Variants in MTREX observed in about 807,000 individuals in gnomAD.
MTREX encodes the protein exosome RNA helicase MTR4.
Under a neutral mutation model 135.4 loss-of-function variants are expected in MTREX, and 76 were observed. That is an observed-to-expected ratio of 0.56 (90% CI 0.47 to 0.68). The LOEUF (loss-of-function observed/expected upper bound fraction) is 0.68, where lower values mean the gene tolerates loss of function less well. MTREX is among the 30% of genes least tolerant of loss of function. The probability of loss-of-function intolerance (pLI) is 0.00; values close to 1 mark genes in which losing one functional copy is unlikely to be tolerated. For synonymous variants in MTREX, 404 were observed against 401.6 expected (o/e 1.01, Z -0.07); for missense variants, 920 against 1,262.1 (o/e 0.73, Z 4.11).
At chr5:55,387,868 A>G in intron 18 of MTREX, 106 bp from the exon 19 acceptor site, 6 of 1,064,122 alleles carry the variant, frequency 5.6e-6, no homozygotes, top group Non-Finnish European at 7.8e-6. Context: ...AGTTTGTGTC[A>G]GTCATAATGC....
rs143212003 is a variant in MTREX, at chr5:55,425,035, C to T, written c.*263C>T. On this transcript the variant is annotated 3_prime_UTR_variant, in exon 27 of 27. Coordinates refer to ENST00000230640, the MANE Select transcript of MTREX (RefSeq NM_015360.5). ...TAATGAGTTTAGAGCTATTAGATAA[C>T]CACTGAGTTAAAGGTAACTATGTAC... 296 of 904,748 alleles carry T rather than the reference C, an allele frequency of 3.3e-4. 1 individual carries two copies. The East Asian group carries it at 7.3e-3, about 22-fold the overall frequency. 56.0% of individuals were successfully genotyped at this position (904,748 alleles called of 1,614,324 possible).
At chr5:55,366,374 C>T (rs541230861) in intron 15 of MTREX, among the ~76,000 whole-genome samples, 24 of 152,212 alleles carry the variant, frequency 1.6e-4, no homozygotes, top group Admixed American at 8.5e-4. Flanking sequence ...CTTGTAATCA[C>T]GGCTGCTCAG....
chr5:55,322,580 A>T, intron 2 of MTREX, 116 bp downstream of exon 2: 3 of 708,926 alleles, frequency 4.2e-6, no homozygotes, highest in Non-Finnish European at 6.6e-6. Flanking sequence ...AGAAATGAAG[A>T]TATTCTTTCT....
chr5:55,386,469 T>A (rs1007598572), intron 18 of MTREX, among the ~76,000 whole-genome samples: 2 of 152,104 alleles, frequency 1.3e-5, no homozygotes, highest in Non-Finnish European at 2.9e-5. Flanking sequence ...TGAGAAAAAA[T>A]TTATAATCTT....
intron 6 of MTREX, among the ~76,000 whole-genome samples, chr5:55,340,839 C>G (rs1393967137): frequency 1.3e-5 from 2 of 152,150 alleles, no homozygotes; most frequent in Non-Finnish European, 2.9e-5. Context: ...CCTCAGCCTC[C>G]CAAAGTGCTG....
chr5:55,329,423 C>T (rs1365104919), intron 5 of MTREX: 1 of 152,006 alleles, frequency 6.6e-6, no homozygotes, highest in Non-Finnish European at 1.5e-5. Context: ...ATCGTCCCAC[C>T]TTGGACTCCC....
chr5:55,360,588 A>T (rs1749992112), intron 15 of MTREX, among the ~76,000 whole-genome samples: 1 of 152,098 alleles, frequency 6.6e-6, no homozygotes, highest in African/African-American at 2.4e-5. Flanking sequence ...TGAGGCTTCT[A>T]ATTTCTTTAC....
At chr5:55,364,964 A>C (rs1750076849) in intron 15 of MTREX, among the ~76,000 whole-genome samples, 1 of 152,168 alleles carries the variant, frequency 6.6e-6, no homozygotes, top group South Asian at 2.1e-4. Flanking sequence ...ATACTGTCAG[A>C]GTGAAAGAGG....
At position 55,340,000 on chromosome 5, in the gene MTREX, A is replaced by C. The variant is rs1183735863; in HGVS notation, c.516-10A>C. On this transcript the variant is annotated splice_polypyrimidine_tract_variant and intron_variant, in intron 5 of 26. Coordinates refer to ENST00000230640, the MANE Select transcript of MTREX (RefSeq NM_015360.5). ...AAAAGTTGTATGATTATTTGTTTTC[A>C]CATTTGTAGGTATGCCATTGCATTG... 6.8e-7 allele frequency: 1 copy of C among 1,471,268 alleles called. No homozygotes were observed. The highest frequency in any genetic ancestry group is 9.0e-7 in the Non-Finnish European group (1 of 1,106,810). The allele number at this position is 1,471,268 out of a possible 1,614,324, so 91.1% of individuals were successfully genotyped here. A position where few individuals can be genotyped will look rare whatever the true frequency, so the allele number is the denominator to read the frequency against.
At chr5:55,348,527 T>C (rs942531250) in intron 11 of MTREX, among the ~76,000 whole-genome samples, 3 of 152,180 alleles carry the variant, frequency 2.0e-5, no homozygotes, top group Non-Finnish European at 4.4e-5. Flanking sequence ...GTAAATAATA[T>C]CTTAAGCCAT....
At chr5:55,335,263 T>A (rs145167890) in intron 5 of MTREX, among the ~76,000 whole-genome samples, 18 of 152,230 alleles carry the variant, frequency 1.2e-4, no homozygotes, top group African/African-American at 4.1e-4. Context: ...TTTCATTCTG[T>A]GGCTTGTCTC....
chr5:55,345,123 T>G lies in MTREX; in HGVS notation c.1035T>G (p.Thr345=), dbSNP rs1749708860. 1 of 1,613,490 alleles carries G rather than the reference T, an allele frequency of 6.2e-7. No individual in the cohort carries two copies. Among genetic ancestry groups the G allele is most frequent in the East Asian group, 2.2e-5 (1 of 44,808 alleles). ...NGDFREDNFN[T]AMQVLRDAGD... ...ACTTCAGAGAAGATAATTTTAATAC[T>G]GCAATGCAAGTGCTTCGAGATGCAG... Residue 345 remains threonine (T), a synonymous_variant, in exon 10 of 27, where the codon ACT becomes ACG. Transcript: ENST00000230640.
intron 16 of MTREX, among the ~76,000 whole-genome samples, chr5:55,371,371 A>G (rs949196275): frequency 3.3e-5 from 5 of 152,166 alleles, no homozygotes; most frequent in African/African-American, 4.8e-5. Flanking sequence ...AGGCTTATCT[A>G]TTGTATACAC....
rs756196849 is a variant in MTREX, at chr5:55,397,491, G to A, written c.2257G>A (p.Val753Met). The change falls in exon 20 of 27, where the codon GTG (valine) becomes ATG (methionine). Residue 753 changes from valine to methionine, a missense_variant. Val to Met is a conservative substitution (Grantham distance 21, BLOSUM62 1). This residue lies in a region of MTREX where 467 missense variants were observed against 589.7 expected (regional missense o/e 0.79). Coordinates refer to ENST00000230640, the MANE Select transcript of MTREX (RefSeq NM_015360.5). ...RLYIPKDLRP[V>M]DNRQSVLKSI... ...TTACATTCCTAAAGACCTTCGGCCG[G>A]TGGACAATAGACAGAGTGTTTTAAA... 8 of 1,609,580 alleles carry A rather than the reference G, an allele frequency of 5.0e-6. No homozygotes were observed. In the Admixed American group the frequency reaches 8.3e-5, roughly 17 times the overall value.
chr5:55,393,576 T>C (rs1178718878), intron 19 of MTREX, among the ~76,000 whole-genome samples: 3 of 152,216 alleles, frequency 2.0e-5, no homozygotes, highest in Non-Finnish European at 4.4e-5. Flanking sequence ...ACTTGCTTCT[T>C]ATATTGTCTA....
Position 55,425,573 on chromosome 5 carries a change from A to G in MTREX, c.*801A>G, listed in dbSNP as rs146338846. The G allele has an allele frequency of 2.2e-6, 1 of 454,252 alleles. No homozygotes were observed. Among genetic ancestry groups the G allele is most frequent in the African/African-American group, 2.0e-5 (1 of 49,264 alleles). 28.1% of individuals were successfully genotyped at this position (454,252 alleles called of 1,614,324 possible). A position where few individuals can be genotyped will look rare whatever the true frequency, so the allele number is the denominator to read the frequency against. On this transcript the variant is annotated 3_prime_UTR_variant, in exon 27 of 27. Coordinates refer to ENST00000230640, the MANE Select transcript of MTREX (RefSeq NM_015360.5). ...TTTGCCAATACTGAATAAAAGAGTT[A>G]TTTCTACATGTGAATTAGTTTTTTC...
chr5:55,374,291 A>AT (rs57731408), intron 16 of MTREX, among the ~76,000 whole-genome samples: 160 of 138,882 alleles, frequency 1.2e-3, no homozygotes, highest in Middle Eastern at 3.6e-3. Context: ...TATATAAACA[A>AT]TTTTTTTTTT....
At chr5:55,319,710 G>A (rs1660317209) in intron 1 of MTREX, among the ~76,000 whole-genome samples, 1 of 152,144 alleles carries the variant, frequency 6.6e-6, no homozygotes, top group Admixed American at 6.5e-5. Flanking sequence ...ATGTTTGTGT[G>A]CAAGTTCCAC....
At position 55,308,022 on chromosome 5, in the gene MTREX, C is replaced by G; in HGVS notation, c.9C>G (p.Asp3Glu). The G allele has an allele frequency of 1.2e-6, 2 of 1,614,092 alleles. No individual in the cohort carries two copies. Among genetic ancestry groups the G allele is most frequent in the Non-Finnish European group, 1.7e-6 (2 of 1,180,030 alleles). ...TCTCACTGCTCCCAAAAATGGCGGACGCATTCGGAGATGAGCTGTTCAGCG... is the reference window on the plus strand; with the variant it reads ...TCTCACTGCTCCCAAAAATGGCGGAGGCATTCGGAGATGAGCTGTTCAGCG... Reference protein sequence around the residue: MADAFGDELFSVF... With the variant: MAEAFGDELFSVF... Residue 3 changes from aspartate (D) to glutamate (E), a missense_variant, in exon 1 of 27, where the codon GAC becomes GAG. Asp to Glu is a conservative substitution (Grantham distance 45, BLOSUM62 2). Coordinates refer to ENST00000230640, the MANE Select transcript of MTREX (RefSeq NM_015360.5).
Sources: gnomAD v4.1 joint callset for allele counts (sites outside exome capture counted in the v4.1 genomes callset) on GRCh38, gnomAD v4.1.1 for gene constraint, gnomAD v4.1.1 regional missense constraint, MANE v1.5 for transcripts, NCBI Gene and HGNC (gene_info 2026-07-23, HGNC 2026-07-21) for gene names.